Variants in SCAPER observed in about 807,000 individuals in gnomAD.
SCAPER encodes the protein S phase cyclin A-associated protein in the endoplasmic reticulum.
In SCAPER, 98 loss-of-function variants were observed where a neutral mutation model predicts 182.2. The observed-to-expected ratio is 0.54, with a 90% CI of 0.46 to 0.64. The LOEUF is 0.64. Among genes scored for constraint, SCAPER ranks in the 30% least tolerant of loss-of-function variants. The pLI, the probability that SCAPER is intolerant of heterozygous loss-of-function variation, is 0.00. For missense variants in SCAPER, 1,432 were observed against 1,690.0 expected (o/e 0.85, Z 2.68); for synonymous variants, 605 against 564.6 (o/e 1.07, Z -1.01).
chr15:76,839,314 T>A (rs892173758), intron 5 of SCAPER, among the ~76,000 whole-genome samples: 2 of 152,178 alleles, frequency 1.3e-5, no homozygotes, highest in African/African-American at 4.8e-5. Flanking sequence ...GAAAAAATCT[T>A]TCAGTGCATT....
intron 1 of SCAPER, among the ~76,000 whole-genome samples, chr15:76,901,138 G>A (rs2074757012): frequency 6.6e-6 from 1 of 152,210 alleles, no homozygotes; most frequent in Non-Finnish European, 1.5e-5. Context: ...GCTGAGGCAG[G>A]AGAATCGCTG....
chr15:76,823,557 C>A (rs2067746166), intron 5 of SCAPER, among the ~76,000 whole-genome samples: 2 of 150,672 alleles, frequency 1.3e-5, no homozygotes, highest in Admixed American at 6.6e-5. Flanking sequence ...GGAACTCAGA[C>A]CCAAGACTAA....
intron 25 of SCAPER, among the ~76,000 whole-genome samples, chr15:76,448,977 A>G (rs1188444818): frequency 6.6e-6 from 1 of 152,220 alleles, no homozygotes; most frequent in Non-Finnish European, 1.5e-5. Flanking sequence ...ACAAAGCTTG[A>G]TAATGCTGAC....
intron 21 of SCAPER, among the ~76,000 whole-genome samples, chr15:76,633,319 A>G (rs1358661556): frequency 6.6e-6 from 1 of 152,138 alleles, no homozygotes; most frequent in Non-Finnish European, 1.5e-5. Context: ...TCTGACCCAG[A>G]GGGGCACCAA....
intron 22 of SCAPER, among the ~76,000 whole-genome samples, chr15:76,600,478 T>C (rs2049854200): frequency 9.4e-6 from 1 of 106,856 alleles, no homozygotes; most frequent in Non-Finnish European, 2.2e-5. Context: ...AGATGAAGTC[T>C]CGCTCTTGTC....
chr15:76,629,331 T>C (rs1012472887), intron 21 of SCAPER, among the ~76,000 whole-genome samples: 10 of 152,244 alleles, frequency 6.6e-5, no homozygotes, highest in African/African-American at 2.2e-4. Flanking sequence ...ATCCTTGTCT[T>C]GGGCCAGTTT....
At chr15:76,600,418 T>C (rs1322338645) in intron 22 of SCAPER, among the ~76,000 whole-genome samples, 1 of 101,614 alleles carries the variant, frequency 9.8e-6, no homozygotes, top group Non-Finnish European at 2.4e-5. Context: ...TGTGTGTGTG[T>C]GTGTGTGTGT....
intron 5 of SCAPER, among the ~76,000 whole-genome samples, chr15:76,816,874 G>A (rs1449318702): frequency 4.6e-5 from 7 of 152,092 alleles, no homozygotes; most frequent in Middle Eastern, 3.4e-3. Context: ...GGATGGTCTC[G>A]ATCTCCTGAC....
intron 8 of SCAPER, chr15:76,793,506 C>A (rs990759132): frequency 6.1e-5 from 29 of 478,480 alleles, no homozygotes; most frequent in Middle Eastern, 1.1e-3. Context: ...ATGGTTTAAT[C>A]AATCATGCCT....
intron 5 of SCAPER, among the ~76,000 whole-genome samples, chr15:76,820,734 T>TATA (rs769701135): frequency 2.0e-5 from 3 of 150,370 alleles, no homozygotes; most frequent in Non-Finnish European, 4.4e-5. Context: ...AAACTTAAAG[T>TATA]ATAATAATAA....
At chr15:76,626,851 C>T (rs958889214) in intron 21 of SCAPER, among the ~76,000 whole-genome samples, 1 of 152,068 alleles carries the variant, frequency 6.6e-6, no homozygotes, top group Non-Finnish European at 1.5e-5. Context: ...TCTCCAAATA[C>T]AAAGGAAATG....
intron 17 of SCAPER, among the ~76,000 whole-genome samples, chr15:76,721,512 T>G (rs912917052): frequency 5.9e-5 from 9 of 152,018 alleles, no homozygotes; most frequent in East Asian, 3.8e-4. Context: ...TAAATTACCT[T>G]GGGCAGTATG....
chr15:76,602,015 C>G lies in SCAPER; in HGVS notation c.2711+19749G>C, dbSNP rs182224736. 2.1e-4 allele frequency among the ~76,000 whole-genome samples: 26 copies of G among 121,192 alleles called. 6 individuals are homozygous for G. The East Asian group carries it at 2.7e-3, about 12-fold the overall frequency. 79.5% of individuals were successfully genotyped at this position (121,192 alleles called of 152,430 possible). On this transcript the variant is annotated intron_variant, in intron 22 of 31. Coordinates refer to ENST00000563290, the MANE Select transcript of SCAPER (RefSeq NM_020843.4). ...TCCTGAGAATACTACATTTTCAATC[C>G]GTGTTTGGTTGAAAACATCTGCATA...
intron 7 of SCAPER, among the ~76,000 whole-genome samples, chr15:76,798,683 C>A (rs1046183955): frequency 2.6e-5 from 4 of 152,198 alleles, no homozygotes; most frequent in Admixed American, 2.0e-4. Context: ...GGATCACATT[C>A]AAGGATCCTC....
At chr15:76,754,333 AAT>A (rs1325191980) in intron 14 of SCAPER, among the ~76,000 whole-genome samples, 1 of 152,064 alleles carries the variant, frequency 6.6e-6, no homozygotes, top group Non-Finnish European at 1.5e-5. Context: ...GTTTAAAATG[AAT>A]ATAGTGTATA....
In SCAPER at chr15:76,670,901, A is replaced by G. The variant is rs114702579; in HGVS notation, c.2509-5112T>C. ...AAGAGTAAAAATCATCTATCTGTCC[A>G]TTAAAATAATTACAGTGTTATACAG... On this transcript the variant is annotated intron_variant, in intron 20 of 31. Transcript: ENST00000563290. Among the ~76,000 whole-genome samples, 531 of 152,322 alleles carry G rather than the reference A, an allele frequency of 3.5e-3. 5 individuals carry two copies. The highest frequency in any genetic ancestry group is 0.012 in the African/African-American group (493 of 41,566).
chr15:76,586,651 T>C (rs2048682320), intron 22 of SCAPER: 1 of 153,794 alleles, frequency 6.5e-6, no homozygotes, highest in African/African-American at 2.4e-5. Flanking sequence ...ATCCTTGGTA[T>C]CCGTTTGGGG....
rs750879239 is a variant in SCAPER, at chr15:76,471,343, A to G, written c.2955-8T>C. On this transcript the variant is annotated splice_region_variant and splice_polypyrimidine_tract_variant and intron_variant, in intron 24 of 31. Coordinates refer to ENST00000563290, the MANE Select transcript of SCAPER (RefSeq NM_020843.4). ...ATTGCATTGCAGAGAGACCTAAAAG[A>G]AGGAGAAAAACACCATTTATAAAAC... is the stretch of plus-strand genomic sequence containing the variant. 29 of 1,596,168 alleles carry G rather than the reference A, an allele frequency of 1.8e-5. No homozygotes were observed. The highest frequency in any genetic ancestry group is 2.3e-5 in the Non-Finnish European group (27 of 1,173,746).
At chr15:76,708,025 T>C (rs1283386379) in intron 17 of SCAPER, among the ~76,000 whole-genome samples, 1 of 152,052 alleles carries the variant, frequency 6.6e-6, no homozygotes, top group African/African-American at 2.4e-5. Flanking sequence ...TTACAAAATA[T>C]AGTTGTCGCT....
Sources: allele counts gnomAD v4.1 joint callset (sites outside exome capture counted in the v4.1 genomes callset), GRCh38; gene constraint gnomAD v4.1.1; transcripts MANE v1.5; gene names NCBI Gene and HGNC (gene_info 2026-07-23, HGNC 2026-07-21).